Variants in MAGI3 observed in about 807,000 individuals in gnomAD.
MAGI3 encodes membrane associated guanylate kinase, WW and PDZ domain containing 3, also known as membrane-associated guanylate kinase, WW and PDZ domain-containing protein 3.
A neutral mutation model predicts 121.8 loss-of-function variants in MAGI3; 43 were observed. That is an observed-to-expected ratio of 0.35 (90% CI 0.28 to 0.46). The LOEUF (loss-of-function observed/expected upper bound fraction) is 0.46. Among genes scored for constraint, MAGI3 ranks in the 20% least tolerant of loss-of-function variants. MAGI3 has a pLI of 1.00. For synonymous variants in MAGI3, 553 were observed against 639.3 expected (o/e 0.86, Z 2.04); for missense variants, 1,547 against 1,797.3 (o/e 0.86, Z 2.52).
intron 1 of MAGI3, among the ~76,000 whole-genome samples, chr1:113,435,782 G>A (rs1653536274): frequency 6.6e-6 from 1 of 152,054 alleles, no homozygotes; most frequent in African/African-American, 2.4e-5. Context: ...GTGGAAAAAG[G>A]GACAGCAAAG....
chr1:113,621,407 A>G (rs569911337), intron 8 of MAGI3, among the ~76,000 whole-genome samples: 1 of 152,188 alleles, frequency 6.6e-6, no homozygotes, highest in Non-Finnish European at 1.5e-5. Context: ...CACTCTAGGA[A>G]GAGCAAGTAG....
chr1:113,408,241 G>T (rs964306797), intron 1 of MAGI3, among the ~76,000 whole-genome samples: 2 of 152,120 alleles, frequency 1.3e-5, no homozygotes, highest in Non-Finnish European at 2.9e-5. Context: ...AAAAACTGAA[G>T]TTCAGAAAGG....
intron 1 of MAGI3, among the ~76,000 whole-genome samples, chr1:113,538,404 A>G (rs535221219): frequency 7.9e-5 from 12 of 152,374 alleles, no homozygotes; most frequent in South Asian, 2.1e-4. Context: ...GATGAAGCAT[A>G]TAATATGACT....
chr1:113,647,255 G>C (rs1006369584), intron 12 of MAGI3, among the ~76,000 whole-genome samples: 15 of 152,330 alleles, frequency 9.8e-5, no homozygotes, highest in African/African-American at 3.6e-4. Flanking sequence ...AAGTCACAGA[G>C]GAGAGCAGGA....
At chr1:113,397,456 A>G (rs1195213323) in intron 1 of MAGI3, among the ~76,000 whole-genome samples, 1 of 152,156 alleles carries the variant, frequency 6.6e-6, no homozygotes, top group Non-Finnish European at 1.5e-5. Flanking sequence ...AGTAGTAGGT[A>G]AGAAGCAGAG....
chr1:113,535,417 G>A (rs1658926129), intron 1 of MAGI3, among the ~76,000 whole-genome samples: 1 of 151,756 alleles, frequency 6.6e-6, no homozygotes, highest in African/African-American at 2.4e-5. Flanking sequence ...TAAGAAACAT[G>A]TACCAATTTT....
intron 1 of MAGI3, among the ~76,000 whole-genome samples, chr1:113,423,236 G>GT (rs1652818281): frequency 7.8e-6 from 1 of 128,554 alleles, no homozygotes; most frequent in Non-Finnish European, 1.6e-5. Flanking sequence ...GGTTGTCCTG[G>GT]TAAGTATTCG....
At chr1:113,614,546 ATTCTT>A in intron 6 of MAGI3, 50 bp from the exon 7 acceptor site, 1 of 1,304,460 alleles carries the variant, frequency 7.7e-7, no homozygotes, top group East Asian at 2.3e-5. Context: ...TCACTGGTGA[ATTCTT>A]TTCTGTCAGT....
chr1:113,423,075 C>T (rs1350499304), intron 1 of MAGI3, among the ~76,000 whole-genome samples: 1 of 152,104 alleles, frequency 6.6e-6, no homozygotes, highest in Non-Finnish European at 1.5e-5. Flanking sequence ...TCCTGCCATT[C>T]AGTAGGTCCT....
chr1:113,478,483 C>T (rs1427244624), intron 1 of MAGI3, among the ~76,000 whole-genome samples: 1 of 152,186 alleles, frequency 6.6e-6, no homozygotes, highest in Non-Finnish European at 1.5e-5. Flanking sequence ...ACAGTCAGTT[C>T]CCTCAGCTGC....
chr1:113,500,495 C>A lies in MAGI3; in HGVS notation c.317-49020C>A, dbSNP rs1188309774. ...ATGGATACATTCCTCGACACATACA[C>A]TCTCCCAAGACTAAAACAGGAAGAA... On this transcript the variant is annotated intron_variant, in intron 1 of 20. Transcript: ENST00000307546. 3.3e-4 allele frequency among the ~76,000 whole-genome samples: 12 copies of A among 36,628 alleles called. 6 individuals are homozygous for A. Among genetic ancestry groups the A allele is most frequent in the Non-Finnish European group, 5.3e-4 (12 of 22,706 alleles). The allele number at this position is 36,628 out of a possible 152,430, so 24.0% of individuals were successfully genotyped here. A position where few individuals can be genotyped will look rare whatever the true frequency, so the allele number is the denominator to read the frequency against.
At chr1:113,540,675 G>C (rs1041618096) in intron 1 of MAGI3, among the ~76,000 whole-genome samples, 2 of 152,162 alleles carry the variant, frequency 1.3e-5, no homozygotes, top group African/African-American at 4.8e-5. Context: ...TATAGATATA[G>C]ATGCAATAGC....
intron 6 of MAGI3, among the ~76,000 whole-genome samples, chr1:113,603,373 ACAAC>A (rs1649526696): frequency 3.3e-5 from 5 of 151,798 alleles, no homozygotes; most frequent in Non-Finnish European, 7.4e-5. Context: ...AACAACAACA[ACAAC>A]AAAAAGCCTG....
rs527639345 is a variant in MAGI3 at position 113,597,953 on chromosome 1, C to T, written c.1018+3393C>T. ...GGACTGCCAGGCACGGTGGCTCACA[C>T]CTGTAATCCCAGCACTTTGGGAGGC... is the stretch of plus-strand genomic sequence containing the variant. On this transcript the variant is annotated intron_variant, in intron 6 of 20. Transcript: ENST00000307546. Among the ~76,000 whole-genome samples the T allele has an allele frequency of 6.6e-5, 10 of 152,214 alleles. No individual in the cohort carries two copies. The East Asian group carries it at 1.9e-3, about 29-fold the overall frequency.
intron 1 of MAGI3, among the ~76,000 whole-genome samples, chr1:113,448,004 G>A (rs1238902730): frequency 6.6e-6 from 1 of 152,306 alleles, no homozygotes; most frequent in Non-Finnish European, 1.5e-5. Context: ...AGCTATGATA[G>A]GAATGTCTTA....
intron 1 of MAGI3, among the ~76,000 whole-genome samples, chr1:113,542,841 A>G (rs1013672789): frequency 6.6e-6 from 1 of 152,132 alleles, no homozygotes; most frequent in Non-Finnish European, 1.5e-5. Flanking sequence ...AGCGCTTACA[A>G]TGTTTACAGT....
At chr1:113,662,951 C>T (rs1308042865) in intron 16 of MAGI3, among the ~76,000 whole-genome samples, 2 of 152,036 alleles carry the variant, frequency 1.3e-5, no homozygotes, top group Non-Finnish European at 2.9e-5. Context: ...TTTGGCCTGG[C>T]GCCGTGGCTC....
intron 1 of MAGI3, among the ~76,000 whole-genome samples, chr1:113,521,349 G>T (rs1386615839): frequency 2.6e-5 from 4 of 151,426 alleles, no homozygotes; most frequent in African/African-American, 4.9e-5. Flanking sequence ...GCCTCCCAGA[G>T]AGCTGGGATT....
At chr1:113,554,375 C>G (rs1208271483) in intron 2 of MAGI3, among the ~76,000 whole-genome samples, 1 of 151,562 alleles carries the variant, frequency 6.6e-6, no homozygotes, top group African/African-American at 2.4e-5. Flanking sequence ...AAGAAAAGAT[C>G]AGTGAACCTG....
Sources: allele counts gnomAD v4.1 joint callset (sites outside exome capture counted in the v4.1 genomes callset), GRCh38; gene constraint gnomAD v4.1.1; transcripts MANE v1.5; gene names NCBI Gene and HGNC (gene_info 2026-07-23, HGNC 2026-07-21).